RAP1GAP2: variants seen among roughly 807,000 people sequenced by gnomAD.
The protein encoded by RAP1GAP2 is RAP1 GTPase activating protein 2.
Under a neutral mutation model 95.0 loss-of-function variants are expected in RAP1GAP2, and 27 were observed. The ratio of observed to expected loss-of-function variants is 0.28; its 90% confidence interval spans 0.21 to 0.39. The LOEUF (loss-of-function observed/expected upper bound fraction) is 0.39. Among genes scored for constraint, RAP1GAP2 ranks in the 10% least tolerant of loss-of-function variants. The pLI, the probability that RAP1GAP2 is intolerant of heterozygous loss-of-function variation, is 1.00. For synonymous variants in RAP1GAP2, 373 were observed against 380.9 expected (o/e 0.98, Z 0.24); for missense variants, 771 against 970.0 (o/e 0.79, Z 2.72).
chr17:2,772,981 C>T (rs2151437068), upstream of RAP1GAP2, among the ~76,000 whole-genome samples: 1 of 151,766 alleles, frequency 6.6e-6, no homozygotes, highest in East Asian at 1.9e-4. Context: ...GCCTCAGCCT[C>T]CCTAGTAGCT....
intron 2 of RAP1GAP2, among the ~76,000 whole-genome samples, chr17:2,811,396 T>C (rs2069764640): frequency 6.6e-6 from 1 of 152,220 alleles, no homozygotes; most frequent in African/African-American, 2.4e-5. Context: ...CGTGAGGGGC[T>C]GCTCTTGTCG....
At chr17:2,898,214 C>T (rs887921841) in intron 2 of RAP1GAP2, among the ~76,000 whole-genome samples, 20 of 152,240 alleles carry the variant, frequency 1.3e-4, no homozygotes, top group African/African-American at 3.4e-4. Context: ...ACCCGGCCAA[C>T]GGGGGAGTTT....
At chr17:2,962,795 A>T (rs2044395691) in intron 5 of RAP1GAP2, 81 bp downstream of exon 5, 1 of 1,318,992 alleles carries the variant, frequency 7.6e-7, no homozygotes, top group Admixed American at 2.8e-5. Context: ...GGCTGCCGGG[A>T]TGCTGGGGTC....
At position 2,868,757 on chromosome 17, in the gene RAP1GAP2, G is replaced by T. The variant is rs376639256; in HGVS notation, c.81-36527G>T. ...TGGTCTCGAACTCCTGACCTCAGGT[G>T]ATCTGCCTGCCTTGGCCTCCCAAAA... On this transcript the variant is annotated intron_variant, in intron 2 of 24. Coordinates refer to ENST00000254695, the MANE Select transcript of RAP1GAP2 (RefSeq NM_015085.5). 1.2e-4 allele frequency among the ~76,000 whole-genome samples: 18 copies of T among 152,258 alleles called. No homozygotes were observed. The South Asian group carries it at 1.9e-3, about 16-fold the overall frequency.
intron 1 of RAP1GAP2, among the ~76,000 whole-genome samples, chr17:2,785,922 A>G (rs1183448410): frequency 8.7e-6 from 1 of 114,574 alleles, no homozygotes; most frequent in African/African-American, 3.8e-5. Context: ...TTTTTTTTAG[A>G]CAGAGATTTG....
intron 2 of RAP1GAP2, among the ~76,000 whole-genome samples, chr17:2,802,603 C>T (rs763040971): frequency 6.6e-5 from 10 of 152,222 alleles, no homozygotes; most frequent in Admixed American, 2.0e-4. Flanking sequence ...CCCAGCTACT[C>T]GGCCGACTGA....
chr17:2,793,687 G>A (rs1210632481), upstream of RAP1GAP2, among the ~76,000 whole-genome samples: 1 of 152,370 alleles, frequency 6.6e-6, no homozygotes, highest in East Asian at 1.9e-4. Flanking sequence ...GAGAATGAAA[G>A]AAATCCAACT....
intron 2 of RAP1GAP2, among the ~76,000 whole-genome samples, chr17:2,898,431 C>G (rs2041912806): frequency 6.6e-6 from 1 of 152,224 alleles, no homozygotes; most frequent in Admixed American, 6.5e-5. Context: ...CACACTCTGC[C>G]AGGTCTGCTG....
intron 3 of RAP1GAP2, among the ~76,000 whole-genome samples, chr17:2,954,696 C>T (rs1316371826): frequency 4.6e-5 from 7 of 151,970 alleles, no homozygotes; most frequent in African/African-American, 9.7e-5. Flanking sequence ...CAGGTTCAAG[C>T]GATTCTCCTG....
intron 1 of RAP1GAP2, among the ~76,000 whole-genome samples, chr17:2,763,127 T>G (rs951032902): frequency 6.6e-6 from 1 of 152,196 alleles, no homozygotes; most frequent in African/African-American, 2.4e-5. Context: ...TTTCCTTATA[T>G]TCAATGCAAT....
intron 2 of RAP1GAP2, among the ~76,000 whole-genome samples, chr17:2,807,368 TCTC>T (rs1367461678): frequency 1.3e-5 from 2 of 152,174 alleles, no homozygotes; most frequent in African/African-American, 4.8e-5. Context: ...AGTCTGCTCT[TCTC>T]CTACACACCT....
In RAP1GAP2 at chr17:3,008,690, G is replaced by A. The variant is rs2046412355; in HGVS notation, c.1494+545G>A. On this transcript the variant is annotated intron_variant, in intron 17 of 24. Transcript: ENST00000254695. This position sits in a 1 kb window ranked among gnomAD's most constrained non-coding sequence, Gnocchi z 4.2. The stretch of plus-strand genomic sequence containing the variant: ...AAACTAACTAGAAGGAGCTGCTAAA[G>A]GAAGCAGTGAGCTCCCTGTCCCTGG... Among the ~76,000 whole-genome samples, 1 of 152,238 alleles carries A rather than the reference G, an allele frequency of 6.6e-6. No individual in the cohort carries two copies. The highest frequency in any genetic ancestry group is 6.5e-5 in the Admixed American group (1 of 15,292).
intron 2 of RAP1GAP2, among the ~76,000 whole-genome samples, chr17:2,802,462 T>C (rs577752021): frequency 1.2e-4 from 19 of 152,178 alleles, no homozygotes; most frequent in Non-Finnish European, 2.1e-4. Context: ...GTAATCCCAG[T>C]ACTTTGGGAG....
At chr17:2,968,194 A>G (rs1311123666) in intron 8 of RAP1GAP2, among the ~76,000 whole-genome samples, 1 of 152,360 alleles carries the variant, frequency 6.6e-6, no homozygotes, top group African/African-American at 2.4e-5. Context: ...GAGTGAGCCA[A>G]CAGAATGGGA....
intron 3 of RAP1GAP2, among the ~76,000 whole-genome samples, chr17:2,930,458 G>A (rs984515864): frequency 6.6e-6 from 1 of 152,312 alleles, no homozygotes; most frequent in South Asian, 2.1e-4. Context: ...TGGGGGCGTG[G>A]CAGCTTCCTC....
rs1457466266 is a variant in RAP1GAP2, at chr17:2,985,007, G to C, written c.754G>C (p.Asp252His). ...PKASQMIVSY[D>H]EHEVNNTFKF... ...GGCCTCCCAAATGATTGTGTCCTAT[G>C]ATGAGCATGAAGTCAACAACACATT... Residue 252 changes from aspartate to histidine, a missense_variant, in exon 11 of 25, where the codon GAT becomes CAT. By Grantham distance (81) the Asp-to-His change is moderately conservative. Transcript: ENST00000254695. 1.2e-6 allele frequency: 2 copies of C among 1,613,480 alleles called. No homozygotes were observed. The highest frequency in any genetic ancestry group is 1.7e-6 in the Non-Finnish European group (2 of 1,179,786).
chr17:2,809,571 G>T (rs553913557), intron 2 of RAP1GAP2, among the ~76,000 whole-genome samples: 2 of 152,182 alleles, frequency 1.3e-5, no homozygotes, highest in African/African-American at 4.8e-5. Context: ...CATGCACTTG[G>T]GCTTCCTCGC....
At chr17:2,798,468 C>T (rs1056642705) in intron 1 of RAP1GAP2, among the ~76,000 whole-genome samples, 15 of 152,112 alleles carry the variant, frequency 9.9e-5, no homozygotes, top group African/African-American at 2.9e-4. Flanking sequence ...AGAAAGGGGG[C>T]GAGACTGGGG....
chr17:2,888,278 C>T (rs1015855838), intron 2 of RAP1GAP2, among the ~76,000 whole-genome samples: 2 of 152,190 alleles, frequency 1.3e-5, no homozygotes, highest in African/African-American at 2.4e-5. Flanking sequence ...GTATTGGGAA[C>T]GTTCAAAATC....
Sources: gnomAD v4.1 joint callset for allele counts (sites outside exome capture counted in the v4.1 genomes callset) on GRCh38, gnomAD v4.1.1 for gene constraint, Gnocchi (gnomAD v3.1) non-coding constraint, MANE v1.5 for transcripts, NCBI Gene and HGNC (gene_info 2026-07-23, HGNC 2026-07-21) for gene names.